Variants in SLC27A1 observed in about 807,000 individuals in gnomAD.
SLC27A1 encodes the protein solute carrier family 27 member 1.
SLC27A1 carries 61 observed loss-of-function variants against 62.2 expected under a neutral mutation model. That is an observed-to-expected ratio of 0.98 (90% CI 0.80 to 1.21). SLC27A1 has a LOEUF of 1.21. Ranked by LOEUF, SLC27A1 falls within the 50% of genes most tolerant of loss-of-function variation. SLC27A1 has a pLI of 0.00. For synonymous variants in SLC27A1, 435 were observed against 408.6 expected (o/e 1.06, Z -0.78); for missense variants, 903 against 932.1 (o/e 0.97, Z 0.41).
At chr19:17,470,773 A>G (rs2075068364) in intron 1 of SLC27A1, 66 bp downstream of exon 1, 1 of 1,147,840 alleles carries the variant, frequency 8.7e-7, no homozygotes, top group Non-Finnish European at 1.1e-6. Flanking sequence ...CGCACGGTGC[A>G]GGGCTGGGTT....
In SLC27A1 at chr19:17,486,719, G is replaced by A. The variant is rs375152234; in HGVS notation, c.324G>A (p.Gln108=). 138 of 1,612,186 alleles carry A rather than the reference G, an allele frequency of 8.6e-5. 1 individual carries two copies. The South Asian group carries it at 1.4e-3, about 16-fold the overall frequency. ...AGTGECWTFA[Q]LDAYSNAVAN... ...CCGGCGAGTGCTGGACCTTTGCGCA[G>A]CTGGACGCCTACTCCAATGCGGTAG... The change falls in exon 2 of 12, where the codon CAG becomes CAA. Residue 108 remains glutamine, a synonymous_variant. Transcript: ENST00000252595. This position sits in a 1 kb window ranked among gnomAD's most constrained non-coding sequence, Gnocchi z 6.6.
Position 17,497,472 on chromosome 19 carries a change from C to G in SLC27A1, c.1206+8C>G, listed in dbSNP as rs757170578. 1 of 1,601,196 alleles carries G rather than the reference C, an allele frequency of 6.2e-7. No homozygotes were observed. Among genetic ancestry groups the G allele is most frequent in the Non-Finnish European group, 8.5e-7 (1 of 1,175,336 alleles). ...GCCAACATGGACGGCAAGGTGCACA[C>G]CGGCAGGGCCCCGGGGCAGGTCTCG... On this transcript the variant is annotated splice_region_variant and intron_variant, in intron 7 of 11. Transcript: ENST00000252595.
chr19:17,488,290 G>A (rs1056362202), intron 4 of SLC27A1, among the ~76,000 whole-genome samples: 3 of 152,290 alleles, frequency 2.0e-5, no homozygotes, highest in South Asian at 4.2e-4. Context: ...ACCCAGAGGC[G>A]GAGGTTGCAG....
intron 1 of SLC27A1, among the ~76,000 whole-genome samples, chr19:17,474,577 C>T (rs1320358756): frequency 6.6e-6 from 1 of 151,612 alleles, no homozygotes; most frequent in Non-Finnish European, 1.5e-5. Flanking sequence ...GCTCTTCCCA[C>T]TTGTATGGTC....
chr19:17,504,712 T>C lies in SLC27A1; in HGVS notation c.*100T>C, dbSNP rs766934450. The C allele has an allele frequency of 3.2e-5, 48 of 1,481,770 alleles. No homozygotes were observed. Among genetic ancestry groups the C allele is most frequent in the South Asian group, 2.5e-4 (21 of 85,154 alleles). The allele number at this position is 1,481,770 out of a possible 1,614,324, so 91.8% of individuals were successfully genotyped here. On this transcript the variant is annotated 3_prime_UTR_variant, in exon 12 of 12. Transcript: ENST00000252595. ...GGTGGCCGCCTAGTACACACCCACC[T>C]GGCCGAGCTGTACCTGGCACGGCCC...
chr19:17,487,988 T>C (rs545537470), intron 4 of SLC27A1, among the ~76,000 whole-genome samples: 1 of 152,022 alleles, frequency 6.6e-6, no homozygotes, highest in Non-Finnish European at 1.5e-5. Flanking sequence ...TGTCAGCAGC[T>C]ACAGGAGGTT....
Position 17,497,282 on chromosome 19 carries a change from C to T in SLC27A1, c.1024C>T (p.Arg342Cys), listed in dbSNP as rs1599668814. Residue 342 changes from arginine (R) to cysteine (C), a missense_variant, in exon 7 of 12, where the codon CGC becomes TGC. Transcript: ENST00000252595. ...TVVQYIGEIC[R>C]YLLKQPVREA... The stretch of plus-strand genomic sequence containing the variant: ...GGTTCAGTACATCGGGGAGATCTGC[C>T]GCTACCTGCTGAAGCAGCCGGTGCG... 4 of 1,606,162 alleles carry T rather than the reference C, an allele frequency of 2.5e-6. No individual in the cohort carries two copies. The highest frequency in any genetic ancestry group is 2.3e-5 in the East Asian group (1 of 44,158).
chr19:17,483,071 A>G (rs2075195900), intron 1 of SLC27A1, among the ~76,000 whole-genome samples: 1 of 151,892 alleles, frequency 6.6e-6, no homozygotes, highest in East Asian at 1.9e-4. Flanking sequence ...TGAAGGAGGG[A>G]ATGAATGAAT....
intron 11 of SLC27A1, among the ~76,000 whole-genome samples, chr19:17,504,146 A>G (rs2075448601): frequency 6.6e-6 from 1 of 152,078 alleles, no homozygotes; most frequent in Non-Finnish European, 1.5e-5. Flanking sequence ...ACAGGATGTA[A>G]GTTGCTAAAC....
At chr19:17,471,824 G>T (rs2075079407) in intron 1 of SLC27A1, among the ~76,000 whole-genome samples, 1 of 152,114 alleles carries the variant, frequency 6.6e-6, no homozygotes, top group Non-Finnish European at 1.5e-5. Flanking sequence ...ATCTGACTGT[G>T]CCCTCTGCTC....
chr19:17,486,912 A>T lies in SLC27A1; in HGVS notation c.517A>T (p.Thr173Ser), dbSNP rs1568415713. ...CGAGCCCCTGGCCTTCTGCCTGGGC[A>T]CCTCGGGCGCTAAGGCCCTGATCTT... The part of the protein sequence containing the change: ...RREPLAFCLG[T>S]SGAKALIFGG... The change falls in exon 2 of 12, where the codon ACC (threonine) becomes TCC (serine). Residue 173 changes from threonine to serine, a missense_variant. Transcript: ENST00000252595. The surrounding 1 kb of genome is among the most constrained non-coding windows in gnomAD (Gnocchi z 6.6). 6.3e-7 allele frequency: 1 copy of T among 1,592,112 alleles called. No homozygotes were observed. The highest frequency in any genetic ancestry group is 1.7e-4 in the Middle Eastern group (1 of 6,020).
intron 1 of SLC27A1, among the ~76,000 whole-genome samples, chr19:17,471,010 A>C (rs1453386847): frequency 8.0e-6 from 1 of 124,378 alleles, no homozygotes; most frequent in Non-Finnish European, 1.6e-5. Context: ...TTTGGGGGGC[A>C]ATTTGGGGGT....
In SLC27A1 at chr19:17,497,321, C is replaced by A; in HGVS notation, c.1063C>A (p.Arg355=). Residue 355 remains arginine (R), a synonymous_variant, in exon 7 of 12, where the codon CGA becomes AGA. Coordinates refer to ENST00000252595, the MANE Select transcript of SLC27A1 (RefSeq NM_198580.3). ...LKQPVREAER[R]HRVRLAVGNG... ...GCAGCCGGTGCGCGAGGCGGAGAGG[C>A]GACACCGCGTGCGCCTGGCGGTGGG... The A allele has an allele frequency of 6.2e-7, 1 of 1,606,336 alleles. No homozygotes were observed. The highest frequency in any genetic ancestry group is 2.3e-5 in the East Asian group (1 of 44,152).
chr19:17,480,473 C>T (rs1006706507), intron 1 of SLC27A1, among the ~76,000 whole-genome samples: 3 of 151,182 alleles, frequency 2.0e-5, no homozygotes, highest in Non-Finnish European at 2.9e-5. Flanking sequence ...TAGGCCCAAG[C>T]GATCCTCCTG....
chr19:17,494,074 A>G (rs1415661611), intron 6 of SLC27A1, among the ~76,000 whole-genome samples: 1 of 146,078 alleles, frequency 6.8e-6, no homozygotes, highest in Non-Finnish European at 1.5e-5. Context: ...GCTGGAGTGC[A>G]GTGGCGCAAT....
In SLC27A1 at chr19:17,497,357, C is replaced by T. The variant is rs1219379233; in HGVS notation, c.1099C>T (p.Arg367Cys). Residue 367 changes from arginine (R) to cysteine (C), a missense_variant, in exon 7 of 12, where the codon CGT becomes TGT. By Grantham distance (180) the Arg-to-Cys change is radical. Transcript: ENST00000252595. ...RVRLAVGNGL[R>C]PAIWEEFTER... is the part of the protein sequence containing the mutation. The stretch of plus-strand genomic sequence containing the variant: ...GCGCCTGGCGGTGGGGAACGGGCTG[C>T]GTCCTGCCATCTGGGAGGAGTTCAC... The T allele has an allele frequency of 1.9e-6, 3 of 1,601,572 alleles. No homozygotes were observed. Among genetic ancestry groups the T allele is most frequent in the Non-Finnish European group, 1.7e-6 (2 of 1,176,396 alleles).
At chr19:17,488,782 C>T (rs2075263576) in intron 4 of SLC27A1, 66 bp from the exon 5 acceptor site, 5 of 1,435,836 alleles carry the variant, frequency 3.5e-6, no homozygotes, top group African/African-American at 1.4e-5. Flanking sequence ...GCATGCTTCC[C>T]CATGCCTGTA....
chr19:17,470,778 TG>T, intron 1 of SLC27A1, 71 bp downstream of exon 1: 1 of 1,080,896 alleles, frequency 9.3e-7, no homozygotes, highest in Non-Finnish European at 1.1e-6. Flanking sequence ...GGTGCAGGGC[TG>T]GGTTGCGGGG....
intron 7 of SLC27A1, chr19:17,497,790 G>A (rs774193049): frequency 1.9e-5 from 7 of 361,354 alleles, no homozygotes; most frequent in Non-Finnish European, 3.0e-5. Context: ...GGAGAATAGG[G>A]CTCTGTGTAC....
Sources: gnomAD v4.1 joint callset for allele counts (sites outside exome capture counted in the v4.1 genomes callset) on GRCh38, gnomAD v4.1.1 for gene constraint, Gnocchi (gnomAD v3.1) non-coding constraint, MANE v1.5 for transcripts, NCBI Gene and HGNC (gene_info 2026-07-23, HGNC 2026-07-21) for gene names.